DACH1: variants seen among roughly 807,000 people sequenced by gnomAD.
The protein encoded by DACH1 is dachshund homolog 1.
Under a neutral mutation model 54.2 loss-of-function variants are expected in DACH1, and 12 were observed. That is an observed-to-expected ratio of 0.22 (90% CI 0.14 to 0.36). The LOEUF (loss-of-function observed/expected upper bound fraction) is 0.36. DACH1 is among the 10% of genes least tolerant of loss of function. The pLI, the probability that DACH1 is intolerant of heterozygous loss-of-function variation, is 1.00. For missense variants in DACH1, 805 were observed against 929.8 expected (o/e 0.87, Z 1.75); for synonymous variants, 386 against 366.2 (o/e 1.05, Z -0.62).
chr13:71,657,496 G>T (rs1208073790), intron 2 of DACH1, among the ~76,000 whole-genome samples: 3 of 148,638 alleles, frequency 2.0e-5, no homozygotes, highest in Non-Finnish European at 3.0e-5. Flanking sequence ...CTGAGACCCT[G>T]TCTCAAGAAG....
At chr13:71,501,562 G>A (rs1426837784) in intron 6 of DACH1, among the ~76,000 whole-genome samples, 1 of 152,188 alleles carries the variant, frequency 6.6e-6, no homozygotes, top group African/African-American at 2.4e-5. Context: ...GTGGAAGTAT[G>A]AGACAAGATT....
intron 4 of DACH1, among the ~76,000 whole-genome samples, chr13:71,567,471 G>A (rs1056408940): frequency 6.6e-6 from 1 of 152,008 alleles, no homozygotes; most frequent in Middle Eastern, 3.4e-3. Flanking sequence ...GAGAGACAGA[G>A]GTCTCACCAT....
intron 1 of DACH1, among the ~76,000 whole-genome samples, chr13:71,711,697 C>G (rs1882730268): frequency 6.6e-6 from 1 of 151,798 alleles, no homozygotes; most frequent in Non-Finnish European, 1.5e-5. Context: ...ATATGGGGAC[C>G]ATTTAAAATT....
chr13:71,475,584 C>T, intron 9 of DACH1, 122 bp downstream of exon 9: 2 of 1,223,252 alleles, frequency 1.6e-6, no homozygotes, highest in South Asian at 3.2e-5. Context: ...CTGCTTTCAG[C>T]TTCAAGTATA....
At chr13:71,666,874 T>G (rs1879874367) in intron 2 of DACH1, among the ~76,000 whole-genome samples, 1 of 151,946 alleles carries the variant, frequency 6.6e-6, no homozygotes, top group Admixed American at 6.6e-5. Flanking sequence ...CTCAGCTACT[T>G]GGGAGGCAGG....
At chr13:71,473,028 T>C (rs1877222554) in intron 10 of DACH1, among the ~76,000 whole-genome samples, 1 of 152,200 alleles carries the variant, frequency 6.6e-6, no homozygotes, top group African/African-American at 2.4e-5. Flanking sequence ...AGTCTTGAAA[T>C]AGTTTGACTG....
chr13:71,514,425 A>G (rs912483950), intron 6 of DACH1, among the ~76,000 whole-genome samples: 2 of 151,862 alleles, frequency 1.3e-5, no homozygotes, highest in Non-Finnish European at 2.9e-5. Context: ...TATAAAAAAG[A>G]ATGAATTAAA....
chr13:71,778,139 T>A (rs932016450), intron 1 of DACH1, among the ~76,000 whole-genome samples: 10 of 139,990 alleles, frequency 7.1e-5, no homozygotes, highest in Middle Eastern at 3.5e-3. Context: ...AATAAATAAA[T>A]AAAACTATAA....
chr13:71,558,385 T>C lies in DACH1; in HGVS notation c.1436-1227A>G, dbSNP rs144775567. On this transcript the variant is annotated intron_variant, in intron 5 of 10. Transcript: ENST00000613252. ...TGTGGATGTATTTCCATTTCAACAA[T>C]TATGGTATCCCAGGCATACAAAAAT... Among the ~76,000 whole-genome samples, 5 of 152,142 alleles carry C rather than the reference T, an allele frequency of 3.3e-5. 1 individual carries two copies. The East Asian group carries it at 9.7e-4, about 29-fold the overall frequency.
chr13:71,548,728 C>A (rs997780498), intron 6 of DACH1, among the ~76,000 whole-genome samples: 10 of 151,940 alleles, frequency 6.6e-5, no homozygotes, highest in African/African-American at 2.4e-4. Context: ...ACCAGCCTAG[C>A]CTACATGGTA....
At chr13:71,486,628 A>T (rs1483369532) in intron 7 of DACH1, among the ~76,000 whole-genome samples, 1 of 152,140 alleles carries the variant, frequency 6.6e-6, no homozygotes, top group African/African-American at 2.4e-5. Context: ...ATACATGTGC[A>T]TGAAATTCTG....
intron 10 of DACH1, among the ~76,000 whole-genome samples, chr13:71,449,602 T>C (rs1874830967): frequency 6.6e-6 from 1 of 151,802 alleles, no homozygotes; most frequent in Non-Finnish European, 1.5e-5. Flanking sequence ...GATGATGGGT[T>C]GATGGGTGCA....
Position 71,499,293 on chromosome 13 carries a change from T to G in DACH1, c.1571-10145A>C, listed in dbSNP as rs910189034. ...CCTTTCTGTCATTTCCATGACCCAG[T>G]AGGTTTAACCTCACTGCTGATACTG... On this transcript the variant is annotated intron_variant, in intron 6 of 10. Coordinates refer to ENST00000613252, the MANE Select transcript of DACH1 (RefSeq NM_080759.6). Among the ~76,000 whole-genome samples, 24 of 152,238 alleles carry G rather than the reference T, an allele frequency of 1.6e-4. 1 individual carries two copies. Among genetic ancestry groups the G allele is most frequent in the Admixed American group, 1.6e-3 (24 of 15,276 alleles).
intron 3 of DACH1, among the ~76,000 whole-genome samples, chr13:71,604,565 C>T (rs914245205): frequency 3.3e-5 from 5 of 151,810 alleles, no homozygotes; most frequent in Non-Finnish European, 7.4e-5. Flanking sequence ...TATAAGCTTC[C>T]AATAATATGG....
intron 1 of DACH1, among the ~76,000 whole-genome samples, chr13:71,845,389 A>G (rs1873166966): frequency 6.6e-6 from 1 of 152,206 alleles, no homozygotes; most frequent in African/African-American, 2.4e-5. Context: ...ATACCAAACT[A>G]TAATACTTTT....
intron 1 of DACH1, among the ~76,000 whole-genome samples, chr13:71,806,009 G>T (rs986458678): frequency 6.6e-6 from 1 of 152,096 alleles, no homozygotes; most frequent in Non-Finnish European, 1.5e-5. Flanking sequence ...GTTTCTCCAT[G>T]TTGGTCAGGC....
intron 3 of DACH1, among the ~76,000 whole-genome samples, chr13:71,593,658 G>T (rs1050981135): frequency 2.6e-5 from 4 of 151,966 alleles, no homozygotes; most frequent in African/African-American, 4.8e-5. Context: ...ATATGTAGAA[G>T]AAAAAGAAAA....
At chr13:71,735,671 CCCTT>C (rs1311452778) in intron 1 of DACH1, among the ~76,000 whole-genome samples, 52 of 96,756 alleles carry the variant, frequency 5.4e-4, no homozygotes, top group African/African-American at 1.3e-3. Flanking sequence ...TTATATATAT[CCCTT>C]CCTACTTGAC....
intron 6 of DACH1, among the ~76,000 whole-genome samples, chr13:71,521,102 T>C (rs956736173): frequency 1.3e-5 from 2 of 152,018 alleles, no homozygotes; most frequent in African/African-American, 4.8e-5. Flanking sequence ...CTGACTGCTA[T>C]CTATTAGCCA....
Sources: allele counts gnomAD v4.1 joint callset (sites outside exome capture counted in the v4.1 genomes callset), GRCh38; gene constraint gnomAD v4.1.1; transcripts MANE v1.5; gene names NCBI Gene and HGNC (gene_info 2026-07-23, HGNC 2026-07-21).